MACF1: variants seen among roughly 807,000 people sequenced by gnomAD.
MACF1 encodes microtubule actin crosslinking factor 1.
MACF1 carries 193 observed loss-of-function variants against 854.8 expected under a neutral mutation model. The ratio of observed to expected loss-of-function variants is 0.23; its 90% confidence interval spans 0.20 to 0.25. MACF1 has a LOEUF of 0.25. Among genes scored for constraint, MACF1 ranks in the 10% least tolerant of loss-of-function variants. The pLI is 1.00. For missense variants in MACF1, 7,722 were observed against 8,929.1 expected (o/e 0.86, Z 5.45); for synonymous variants, 3,185 against 3,226.7 (o/e 0.99, Z 0.44).
rs1645663861 is a variant in MACF1, at chr1:39,287,270, T to C, written c.1509-16T>C. ...TAGATTTAAATCCTTTCCTTTTTTC[T>C]CTTCTTCCATTTCAGGGTCATGCGT... On this transcript the variant is annotated splice_polypyrimidine_tract_variant and intron_variant, in intron 14 of 100. Transcript: ENST00000564288. The C allele has an allele frequency of 6.2e-7, 1 of 1,608,922 alleles. No individual in the cohort carries two copies. Among genetic ancestry groups the C allele is most frequent in the Non-Finnish European group, 8.5e-7 (1 of 1,176,694 alleles).
chr1:39,310,560 T>G lies in MACF1; in HGVS notation c.3100+132T>G, dbSNP rs529617258. On this transcript the variant is annotated intron_variant, in intron 25 of 100. Coordinates refer to ENST00000564288, the MANE Select transcript of MACF1 (RefSeq NM_001394062.1). ...CATTTGAGTAGCTACGAACTTGAGA[T>G]AGAGAAGAACTTATAGATGAATTCT... The G allele has an allele frequency of 4.0e-6, 4 of 999,344 alleles. No homozygotes were observed. The East Asian group carries it at 1.1e-4, about 26-fold the overall frequency. 61.9% of individuals were successfully genotyped at this position (999,344 alleles called of 1,614,324 possible). A position where few individuals can be genotyped will look rare whatever the true frequency, so the allele number is the denominator to read the frequency against.
At chr1:39,268,901 A>G (rs1389279054) in intron 6 of MACF1, 1 of 1,288,754 alleles carries the variant, frequency 7.8e-7, no homozygotes. Flanking sequence ...CGAAGTTAAC[A>G]GAGAGTCTCC....
chr1:39,273,771 T>C (rs1645375746), intron 6 of MACF1, among the ~76,000 whole-genome samples: 1 of 152,102 alleles, frequency 6.6e-6, no homozygotes. Context: ...TTTGTATTTT[T>C]AATAGAGACA....
rs1221467528 is a variant in MACF1 at position 39,123,891 on chromosome 1, A to AT, written c.220+39461dup. On this transcript the variant is annotated intron_variant, in intron 2 of 93. Coordinates refer to the MACF1 transcript ENST00000361689. ...AGGCGCATGCTACCATGCCTGGCTA[A>AT]TTTTTTTTGTATTTTTAGTGGAGAT... Among the ~76,000 whole-genome samples, 4 of 150,718 alleles carry AT rather than the reference A, an allele frequency of 2.7e-5. No homozygotes were observed. In the East Asian group the frequency reaches 5.9e-4, roughly 22 times the overall value.
In MACF1 at chr1:39,443,439, T is replaced by C. The variant is rs1325869359; in HGVS notation, c.19303-7T>C. 11 of 1,600,364 alleles carry C rather than the reference T, an allele frequency of 6.9e-6. No homozygotes were observed. Among genetic ancestry groups the C allele is most frequent in the Non-Finnish European group, 9.4e-6 (11 of 1,176,422 alleles). On this transcript the variant is annotated splice_polypyrimidine_tract_variant and splice_region_variant and intron_variant, in intron 78 of 100. Coordinates refer to ENST00000564288, the MANE Select transcript of MACF1 (RefSeq NM_001394062.1). ...CTGACATGGTTGATATATCTTTTTC[T>C]CAAAAGGCCCAGGGCTTCCACAGTG...
chr1:39,443,833 A>G (rs1319958073), intron 79 of MACF1, among the ~76,000 whole-genome samples: 1 of 152,216 alleles, frequency 6.6e-6, no homozygotes, highest in Non-Finnish European at 1.5e-5. Flanking sequence ...CTTGAAGATG[A>G]CAGCATCAAG....
chr1:39,370,512 T>G (rs1649132334), intron 51 of MACF1, among the ~76,000 whole-genome samples: 1 of 152,188 alleles, frequency 6.6e-6, no homozygotes, highest in African/African-American at 2.4e-5. Flanking sequence ...GAAGGTACCT[T>G]CAAGGATGGG....
chr1:39,457,001 G>A (rs78588283), intron 89 of MACF1: 1 of 152,108 alleles, frequency 6.6e-6, no homozygotes, highest in African/African-American at 2.4e-5. Context: ...CTTTTTAGCT[G>A]GTTCCTCTTC....
rs1288318969 is a variant in MACF1 at position 39,486,352 on chromosome 1, T to C, written c.*558T>C. 1 of 152,680 alleles carries C rather than the reference T, an allele frequency of 6.5e-6. No individual in the cohort carries two copies. Among genetic ancestry groups the C allele is most frequent in the Non-Finnish European group, 1.5e-5 (1 of 68,044 alleles). 9.5% of individuals were successfully genotyped at this position (152,680 alleles called of 1,614,324 possible). A position where few individuals can be genotyped will look rare whatever the true frequency, so the allele number is the denominator to read the frequency against. On this transcript the variant is annotated 3_prime_UTR_variant, in exon 101 of 101. Coordinates refer to ENST00000564288, the MANE Select transcript of MACF1 (RefSeq NM_001394062.1). ...AGAGGGAACCTCATCTAAGTAACAT[T>C]TGCACATGATACAGCAAAAGGAGTT... is the stretch of plus-strand genomic sequence containing the variant.
intron 23 of MACF1, among the ~76,000 whole-genome samples, chr1:39,307,901 CTTTTTTTTTTT>C (rs34930273): frequency 7.9e-5 from 4 of 50,392 alleles, no homozygotes; most frequent in Non-Finnish European, 1.4e-4. Flanking sequence ...TTCTTTCTTT[CTTTTTTTTTTT>C]TTTTTTTTTT....
At chr1:39,280,600 C>T (rs1030428944) in intron 6 of MACF1, among the ~76,000 whole-genome samples, 1 of 152,000 alleles carries the variant, frequency 6.6e-6, no homozygotes, top group East Asian at 1.9e-4. Flanking sequence ...GTTTTTGAGA[C>T]AGAGTCTCAC....
intron 88 of MACF1, among the ~76,000 whole-genome samples, chr1:39,454,582 A>C (rs78612008): frequency 0.015 from 2,235 of 152,184 alleles, 39 homozygotes; most frequent in African/African-American, 0.051. Flanking sequence ...CGGTCAGATT[A>C]CCTGACTCAG....
intron 58 of MACF1, among the ~76,000 whole-genome samples, chr1:39,421,655 C>G (rs190866751): frequency 2.2e-4 from 34 of 152,272 alleles, no homozygotes; most frequent in African/African-American, 7.5e-4. Context: ...AAGGGATATT[C>G]CATCTTAAAT....
In MACF1 at chr1:39,327,098, G is replaced by A. The variant is rs79997261; in HGVS notation, c.4479-120G>A. ...AACTGACTGAAATGCCAAAGTCTCC[G>A]ATGAATATGGAAGAAGATCATCCAT... On this transcript the variant is annotated intron_variant, in intron 35 of 100. Coordinates refer to ENST00000564288, the MANE Select transcript of MACF1 (RefSeq NM_001394062.1). The A allele has an allele frequency of 5.0e-3, 4,958 of 989,682 alleles. 181 individuals carry two copies. In the African/African-American group the frequency reaches 0.072, roughly 14 times the overall value. 61.3% of individuals were successfully genotyped at this position (989,682 alleles called of 1,614,324 possible).
intron 99 of MACF1, among the ~76,000 whole-genome samples, chr1:39,482,522 G>C (rs935863379): frequency 1.3e-5 from 2 of 152,038 alleles, no homozygotes; most frequent in Non-Finnish European, 2.9e-5. Flanking sequence ...TTGTTTGTTT[G>C]TTTGTTTGTT....
intron 5 of MACF1, among the ~76,000 whole-genome samples, chr1:39,256,418 A>G (rs549748776): frequency 4.6e-5 from 7 of 152,304 alleles, no homozygotes; most frequent in African/African-American, 1.4e-4. Context: ...GATACAGAAA[A>G]GGGAAAGAAC....
chr1:39,427,571 G>A lies in MACF1; in HGVS notation c.16433G>A (p.Gly5478Asp), dbSNP rs750125936. 4 of 1,614,026 alleles carry A rather than the reference G, an allele frequency of 2.5e-6. No individual in the cohort carries two copies. Among genetic ancestry groups the A allele is most frequent in the East Asian group, 2.2e-5 (1 of 44,878 alleles). ...AAGCTTGCTAACTCAGAACCTGTTGGCACTCAGACTGCCAAAATACAGCAG... is the reference window on the plus strand; with the variant it reads ...AAGCTTGCTAACTCAGAACCTGTTGACACTCAGACTGCCAAAATACAGCAG... Reference protein sequence around the residue: ...EKKLANSEPVGTQTAKIQQQI... With the variant: ...EKKLANSEPVDTQTAKIQQQI... Residue 5478 changes from glycine to aspartate, a missense_variant, in exon 62 of 101, where the codon GGC becomes GAC. Physicochemically the swap from Gly to Asp is moderately conservative, Grantham distance 94 (BLOSUM62 -1). Transcript: ENST00000564288.
At chr1:39,242,610 C>G (rs1644937642) in intron 2 of MACF1, among the ~76,000 whole-genome samples, 3 of 151,476 alleles carry the variant, frequency 2.0e-5, no homozygotes, top group Admixed American at 2.0e-4. Flanking sequence ...ACTAGCCAAG[C>G]ATGGTTGTAT....
intron 1 of MACF1, among the ~76,000 whole-genome samples, chr1:39,217,804 A>G (rs1233915142): frequency 2.0e-5 from 3 of 150,356 alleles, no homozygotes; most frequent in Non-Finnish European, 2.9e-5. Flanking sequence ...AGGAGGGAAG[A>G]TCGCTTGAGC....
Sources: allele counts gnomAD v4.1 joint callset (sites outside exome capture counted in the v4.1 genomes callset), GRCh38; gene constraint gnomAD v4.1.1; transcripts MANE v1.5; gene names NCBI Gene and HGNC (gene_info 2026-07-23, HGNC 2026-07-21).